ATF7: variants seen among roughly 807,000 people sequenced by gnomAD.
The protein encoded by ATF7 is activating transcription factor 7, also known as cyclic AMP-dependent transcription factor ATF-7.
In ATF7, 10 loss-of-function variants were observed where a neutral mutation model predicts 50.4. That is an observed-to-expected ratio of 0.20 (90% confidence interval 0.12 to 0.34). The LOEUF (loss-of-function observed/expected upper bound fraction) is 0.34. Ranked by LOEUF, ATF7 falls within the 10% of genes least tolerant of loss-of-function variation. ATF7 has a pLI of 1.00. For synonymous variants in ATF7, 201 were observed against 226.4 expected, an observed-to-expected ratio of 0.89 and a Z score of 1.01; for missense variants, 465 against 613.9, an observed-to-expected ratio of 0.76 and a Z score of 2.56.
chr12:53,612,419 G>A (rs1308898014), intron 1 of ATF7, among the ~76,000 whole-genome samples: 4 of 152,066 alleles, frequency 2.6e-5, no homozygotes, highest in Non-Finnish European at 4.4e-5. Flanking sequence ...GACTACAGGC[G>A]TGTGCCATCA....
chr12:53,618,555 G>C (rs1035623339), intron 1 of ATF7, among the ~76,000 whole-genome samples: 4 of 152,120 alleles, frequency 2.6e-5, no homozygotes, highest in African/African-American at 4.8e-5. Context: ...TAACAAGCAG[G>C]AAAAGTTGCT....
Position 53,620,748 on chromosome 12 carries a change from CA to C in ATF7, c.-22+5530del, listed in dbSNP as rs1028111050. ...TGGGGAACACAGCGAGACTTCGTCT[CA>C]AAAAAAAAAAGAAAAAGAAAAAAAC... On this transcript the variant is annotated intron_variant, in intron 1 of 11. Transcript: ENST00000420353. Among the ~76,000 whole-genome samples, 266 of 111,938 alleles carry C rather than the reference CA, an allele frequency of 2.4e-3. 2 individuals are homozygous for C. The highest frequency in any genetic ancestry group is 6.7e-3 in the African/African-American group (203 of 30,344). 73.4% of individuals were successfully genotyped at this position (111,938 alleles called of 152,430 possible). A position where few individuals can be genotyped will look rare whatever the true frequency, so the allele number is the denominator to read the frequency against.
intron 2 of ATF7, among the ~76,000 whole-genome samples, chr12:53,584,960 A>G (rs1942606400): frequency 6.6e-6 from 1 of 152,078 alleles, no homozygotes; most frequent in Non-Finnish European, 1.5e-5. Context: ...TGATACTACA[A>G]TGGTGGATAC....
At chr12:53,519,566 G>C (rs1268839512) in intron 11 of ATF7, among the ~76,000 whole-genome samples, 1 of 151,986 alleles carries the variant, frequency 6.6e-6, no homozygotes. Context: ...GCTGGGCGTG[G>C]TGGTGCCCGC....
chr12:53,536,994 T>C (rs564829011), intron 5 of ATF7, among the ~76,000 whole-genome samples: 1 of 152,170 alleles, frequency 6.6e-6, no homozygotes, highest in African/African-American at 2.4e-5. Context: ...ATAAGTGAAA[T>C]TGCTGGGAAG....
intron 2 of ATF7, among the ~76,000 whole-genome samples, chr12:53,577,287 G>A (rs1012633196): frequency 1.3e-5 from 2 of 151,918 alleles, no homozygotes; most frequent in Admixed American, 1.3e-4. Flanking sequence ...CTCTGAACTT[G>A]AGGATATGAC....
intron 3 of ATF7, among the ~76,000 whole-genome samples, chr12:53,546,473 C>CTG (rs1939923743): frequency 6.7e-6 from 1 of 149,030 alleles, no homozygotes; most frequent in African/African-American, 2.5e-5. Context: ...TTTTTTGAGA[C>CTG]AGTCTTGCTT....
At position 53,524,038 on chromosome 12, in the gene ATF7, C is replaced by A. The variant is rs146506373; in HGVS notation, c.1125+526G>T. Among the ~76,000 whole-genome samples the A allele has an allele frequency of 6.6e-6, 1 of 152,036 alleles. No individual in the cohort carries two copies. The highest frequency in any genetic ancestry group is 1.5e-5 in the Non-Finnish European group (1 of 68,004). ...CTAGAAAAGGCAGATTAAAGAGGGA[C>A]TTTGTTTCTATTCTGTACATTTGTG... On this transcript the variant is annotated intron_variant, in intron 10 of 11. Coordinates refer to ENST00000420353, the MANE Select transcript of ATF7 (RefSeq NM_006856.3). This position sits in a 1 kb window ranked among gnomAD's most constrained non-coding sequence, Gnocchi z 4.6.
rs1943486573 is a variant in ATF7 at position 53,603,558 on chromosome 12, A to G, written c.-21-2537T>C. Among the ~76,000 whole-genome samples the G allele has an allele frequency of 3.3e-5, 5 of 152,288 alleles. No homozygotes were observed. In the South Asian group the frequency reaches 8.3e-4, roughly 25 times the overall value. On this transcript the variant is annotated intron_variant, in intron 1 of 11. Transcript: ENST00000420353. ...TTTTCACCAAAGGGAGATCACAATG[A>G]GAGGAAGAAGCCTCTCTTCTTAAAC...
chr12:53,542,951 T>G (rs1939661680), intron 4 of ATF7: 1 of 1,094,972 alleles, frequency 9.1e-7, no homozygotes, highest in Admixed American at 4.7e-5. Context: ...CTGAGAAGTC[T>G]GATCAGCTCA....
Position 53,529,228 on chromosome 12 carries a change from T to C in ATF7, c.927+2516A>G, listed in dbSNP as rs1938691325. On this transcript the variant is annotated intron_variant, in intron 9 of 11. Transcript: ENST00000420353. ...TTAGTTATTTATTTAAGACGGAGTT[T>C]CACTCTTGTTGCCCAGGCTGGAGTG... 1.1e-4 allele frequency among the ~76,000 whole-genome samples: 16 copies of C among 152,286 alleles called. No homozygotes were observed. The South Asian group carries it at 3.3e-3, about 32-fold the overall frequency.
At position 53,517,334 on chromosome 12, in the gene ATF7, C is replaced by G; in HGVS notation, c.1255G>C (p.Glu419Gln). The G allele has an allele frequency of 6.2e-7, 1 of 1,613,658 alleles. No homozygotes were observed. Among genetic ancestry groups the G allele is most frequent in the Non-Finnish European group, 8.5e-7 (1 of 1,179,790 alleles). The change falls in exon 12 of 12, where the codon GAG becomes CAG. Residue 419 changes from glutamate to glutamine, a missense_variant. Transcript: ENST00000420353. ...ACAGGGGCTGGAGAACCCGTTGGCT[C>G]TGAGCTTTCCTTGGGGCTTTCTGCC... ...GYLESPKESS[E>Q]PTGSPAPVIQ...
At chr12:53,541,189 T>C (rs1281215295) in intron 4 of ATF7, among the ~76,000 whole-genome samples, 2 of 152,196 alleles carry the variant, frequency 1.3e-5, no homozygotes, top group Non-Finnish European at 2.9e-5. Flanking sequence ...TTACCTGCTA[T>C]GTATGCCCTC....
downstream of ATF7, among the ~76,000 whole-genome samples, chr12:53,511,596 C>T (rs1419948318): frequency 6.6e-6 from 1 of 152,206 alleles, no homozygotes; most frequent in African/African-American, 2.4e-5. Context: ...TCCAGACCAG[C>T]CTCCTCCTTA....
At chr12:53,552,386 G>C (rs1940426699) in intron 3 of ATF7, among the ~76,000 whole-genome samples, 155 bp downstream of exon 3, 1 of 152,114 alleles carries the variant, frequency 6.6e-6, no homozygotes, top group South Asian at 2.1e-4. Flanking sequence ...GAGAAACTTG[G>C]GAGCTTTTAG....
intron 1 of ATF7, among the ~76,000 whole-genome samples, chr12:53,607,660 A>G (rs113948308): frequency 6.6e-6 from 1 of 152,154 alleles, no homozygotes; most frequent in African/African-American, 2.4e-5. Context: ...GGAAAAAAAA[A>G]CAGAATATAA....
At chr12:53,572,639 C>CTGCA (rs1037820101) in intron 2 of ATF7, among the ~76,000 whole-genome samples, 1 of 152,160 alleles carries the variant, frequency 6.6e-6, no homozygotes, top group African/African-American at 2.4e-5. Flanking sequence ...CCATAGTCAA[C>CTGCA]TGCAGTTCAA....
intron 2 of ATF7, among the ~76,000 whole-genome samples, chr12:53,587,843 AT>A (rs201692852): frequency 0.075 from 4,628 of 61,448 alleles, 146 homozygotes; most frequent in Middle Eastern, 0.19. Context: ...ATATATATAT[AT>A]TTTTTTTTTT....
At chr12:53,564,185 G>A (rs909356659) in intron 2 of ATF7, among the ~76,000 whole-genome samples, 2 of 152,180 alleles carry the variant, frequency 1.3e-5, no homozygotes, top group Non-Finnish European at 2.9e-5. Flanking sequence ...GACCAGCCTG[G>A]CCAACATGGC....
Sources: allele counts gnomAD v4.1 joint callset (sites outside exome capture counted in the v4.1 genomes callset), GRCh38; gene constraint gnomAD v4.1.1; non-coding constraint Gnocchi (gnomAD v3.1); transcripts MANE v1.5; gene names NCBI Gene and HGNC (gene_info 2026-07-23, HGNC 2026-07-21).